MYH14: variants seen among roughly 807,000 people sequenced by gnomAD.
MYH14 encodes myosin heavy chain 14, also known as myosin-14.
Under a neutral mutation model 255.5 loss-of-function variants are expected in MYH14, and 123 were observed. That is an observed-to-expected ratio of 0.48 (90% CI 0.42 to 0.56). The LOEUF (loss-of-function observed/expected upper bound fraction) is 0.56, where lower values mean the gene tolerates loss of function less well. Among genes scored for constraint, MYH14 ranks in the 20% least tolerant of loss-of-function variants. The pLI is 0.00. For synonymous variants in MYH14, 1,095 were observed against 1,161.2 expected (o/e 0.94, Z 1.16); for missense variants, 2,423 against 2,802.3 (o/e 0.86, Z 3.06).
At position 50,231,947 on chromosome 19, in the gene MYH14, C is replaced by A. The variant is rs1340633617; in HGVS notation, c.991C>A (p.Pro331Thr). 6.2e-7 allele frequency: 1 copy of A among 1,614,004 alleles called. No individual in the cohort carries two copies. Among genetic ancestry groups the A allele is most frequent in the Non-Finnish European group, 8.5e-7 (1 of 1,179,904 alleles). Reference sequence around the variant, plus strand: ...CCCTGCAGCCGACCTCCTCCTCGAGCCCTGCTCCCACTACCGGTTCCTGAC... The same window carrying A: ...CCCTGCAGCCGACCTCCTCCTCGAGACCTGCTCCCACTACCGGTTCCTGAC... ...EQLKADLLLEPCSHYRFLTNG... is the reference protein window; with the variant it reads ...EQLKADLLLETCSHYRFLTNG... Residue 331 changes from proline to threonine, a missense_variant, in exon 10 of 43, where the codon CCC (proline) becomes ACC (threonine). By Grantham distance (38) the Pro-to-Thr change is conservative (BLOSUM62 -1). Transcript: ENST00000642316.
chr19:50,280,408 C>A lies in MYH14; in HGVS notation c.4290+25C>A. 1 of 1,499,004 alleles carries A rather than the reference C, an allele frequency of 6.7e-7. No individual in the cohort carries two copies. Among genetic ancestry groups the A allele is most frequent in the Non-Finnish European group, 8.9e-7 (1 of 1,118,156 alleles). The allele number at this position is 1,499,004 out of a possible 1,614,324, so 92.9% of individuals were successfully genotyped here. On this transcript the variant is annotated intron_variant, in intron 32 of 42. Transcript: ENST00000642316. The surrounding 1 kb of genome is among the most constrained non-coding windows in gnomAD (Gnocchi z 4.8). ...GGTGAGCAGCCCTACGTAAGACCTT[C>A]AGGGAGGCACAGCCCCCCTCACTGC...
At position 50,262,820 on chromosome 19, in the gene MYH14, G is replaced by A. The variant is rs191775321; in HGVS notation, c.2586-492G>A. On this transcript the variant is annotated intron_variant, in intron 21 of 42. Transcript: ENST00000642316. ...GGGCAGAGAGAGTCGGGAGCAGGGGGACGAACGGCCAGAACACAGTGAGAT... is the reference window on the plus strand; with the variant it reads ...GGGCAGAGAGAGTCGGGAGCAGGGGAACGAACGGCCAGAACACAGTGAGAT... 3.2e-3 allele frequency among the ~76,000 whole-genome samples: 486 copies of A among 152,244 alleles called. 3 individuals are homozygous for A. Among genetic ancestry groups the A allele is most frequent in the Middle Eastern group, 6.8e-3 (2 of 294 alleles).
Position 50,231,925 on chromosome 19 carries a change from T to C in MYH14, c.974-5T>C. On this transcript the variant is annotated splice_region_variant and splice_polypyrimidine_tract_variant and intron_variant, in intron 9 of 42. Coordinates refer to ENST00000642316, the MANE Select transcript of MYH14 (RefSeq NM_001145809.2). ...TGACCTTGACCCCACTCATTGTCCC[T>C]GCAGCCGACCTCCTCCTCGAGCCCT... is the stretch of plus-strand genomic sequence containing the variant. 3 of 1,613,896 alleles carry C rather than the reference T, an allele frequency of 1.9e-6. No homozygotes were observed. Among genetic ancestry groups the C allele is most frequent in the Non-Finnish European group, 2.5e-6 (3 of 1,179,864 alleles).
Position 50,276,709 on chromosome 19 carries a change from C to T in MYH14, c.3681-48C>T, listed in dbSNP as rs766442700. Reference sequence around the variant, plus strand: ...CAACCAGCTCCCCCAAAGCCCCTGCCTTCCTCTGCTCTGAAATTCCCATCC... The same window carrying T: ...CAACCAGCTCCCCCAAAGCCCCTGCTTTCCTCTGCTCTGAAATTCCCATCC... On this transcript the variant is annotated intron_variant, in intron 28 of 42. Transcript: ENST00000642316. The surrounding 1 kb of genome is among the most constrained non-coding windows in gnomAD (Gnocchi z 4.3). 1.2e-5 allele frequency: 19 copies of T among 1,612,256 alleles called. No homozygotes were observed. The highest frequency in any genetic ancestry group is 1.5e-5 in the Non-Finnish European group (18 of 1,179,584).
intron 3 of MYH14, 119 bp downstream of exon 3, chr19:50,217,890 C>G: frequency 1.6e-6 from 2 of 1,260,218 alleles, no homozygotes; most frequent in Non-Finnish European, 2.2e-6. Context: ...CTCTGTAGGG[C>G]TTCTTAGGGG....
chr19:50,296,002 C>CG (rs1158382697), intron 39 of MYH14, among the ~76,000 whole-genome samples: 2 of 150,296 alleles, frequency 1.3e-5, no homozygotes, highest in Non-Finnish European at 3.0e-5. Flanking sequence ...TCCAGCTACT[C>CG]GGGAGGCTGG....
At position 50,259,272 on chromosome 19, in the gene MYH14, T is replaced by TAG. The variant is rs2034729237; in HGVS notation, c.2354+10_2354+11dup. 3 of 1,567,352 alleles carry TAG rather than the reference T, an allele frequency of 1.9e-6. No homozygotes were observed. Among genetic ancestry groups the TAG allele is most frequent in the Non-Finnish European group, 2.6e-6 (3 of 1,155,698 alleles). On this transcript the variant is annotated splice_region_variant and intron_variant, in intron 19 of 42. Coordinates refer to ENST00000642316, the MANE Select transcript of MYH14 (RefSeq NM_001145809.2). The stretch of plus-strand genomic sequence containing the variant: ...TCCAGGAGTTCCGGCAGCGGTGAGC[T>TAG]AGAGCGAGGGCCCAGGCCCGGCGGA...
chr19:50,291,809 G>C (rs898207977), intron 36 of MYH14, among the ~76,000 whole-genome samples: 1 of 152,130 alleles, frequency 6.6e-6, no homozygotes, highest in African/African-American at 2.4e-5. Context: ...TGGTTGCAGT[G>C]AGTTGAGATC....
At chr19:50,292,899 A>AG (rs376504897) in intron 37 of MYH14, among the ~76,000 whole-genome samples, 1 of 145,518 alleles carries the variant, frequency 6.9e-6, no homozygotes, top group Non-Finnish European at 1.5e-5. Context: ...GGCTATGGTG[A>AG]GGGGGGCCGG....
rs2034547620 is a variant in MYH14, at chr19:50,255,210, C to T, written c.1946-10C>T. On this transcript the variant is annotated splice_polypyrimidine_tract_variant and intron_variant, in intron 16 of 42. Transcript: ENST00000642316. ...CTCCACCCACCCACACATCTGTCCT[C>T]ACTCCCCAGAACATGGGGGCTTCCA... 6.5e-7 allele frequency: 1 copy of T among 1,541,402 alleles called. No individual in the cohort carries two copies. The highest frequency in any genetic ancestry group is 8.8e-7 in the Non-Finnish European group (1 of 1,137,948).
chr19:50,291,136 C>A (rs1568545509), intron 36 of MYH14, 88 bp downstream of exon 36: 3 of 1,338,102 alleles, frequency 2.2e-6, no homozygotes, highest in Admixed American at 2.5e-5. Flanking sequence ...TAGCTCGGAC[C>A]CCTCGCTCTC....
intron 22 of MYH14, among the ~76,000 whole-genome samples, chr19:50,265,572 G>A (rs2035054802): frequency 6.6e-6 from 1 of 152,078 alleles, no homozygotes; most frequent in African/African-American, 2.4e-5. Context: ...TGTAATCCCA[G>A]CAGTTTGGGA....
intron 15 of MYH14, among the ~76,000 whole-genome samples, chr19:50,251,535 C>CT (rs1568500561): frequency 3.2e-3 from 204 of 63,140 alleles, no homozygotes; most frequent in African/African-American, 0.011. Flanking sequence ...CACACACACA[C>CT]ACACACACAC....
rs112345153 is a variant in MYH14, at chr19:50,223,808, G to A, written c.694-346G>A. The stretch of plus-strand genomic sequence containing the variant: ...GTGAGTCAGTTGTTGGTCATGCACC[G>A]AGGAAGAGGTACAGTGAGGCCGGGC... On this transcript the variant is annotated intron_variant, in intron 5 of 42. Coordinates refer to ENST00000642316, the MANE Select transcript of MYH14 (RefSeq NM_001145809.2). 3.1e-3 allele frequency among the ~76,000 whole-genome samples: 467 copies of A among 152,226 alleles called. 5 individuals carry two copies. The highest frequency in any genetic ancestry group is 0.011 in the African/African-American group (448 of 41,538).
chr19:50,302,914 AAAG>A (rs893060016), intron 40 of MYH14, among the ~76,000 whole-genome samples: 5 of 152,174 alleles, frequency 3.3e-5, no homozygotes, highest in African/African-American at 7.2e-5. Context: ...AAAGAAAAAA[AAAG>A]AAAAAGAAAA....
At chr19:50,227,683 C>T (rs1001143875) in intron 8 of MYH14, among the ~76,000 whole-genome samples, 1 of 152,158 alleles carries the variant, frequency 6.6e-6, no homozygotes, top group Non-Finnish European at 1.5e-5. Flanking sequence ...GTTTTCTGCT[C>T]AGATGGCATA....
chr19:50,210,814 C>T, intron 2 of MYH14, 44 bp downstream of exon 2: 1 of 1,527,554 alleles, frequency 6.5e-7, no homozygotes, highest in Non-Finnish European at 8.8e-7. Context: ...GGAGTTGCTG[C>T]CGGTTGGGGA....
At position 50,266,510 on chromosome 19, in the gene MYH14, G is replaced by T. The variant is rs1377337893; in HGVS notation, c.2695-367G>T. Among the ~76,000 whole-genome samples, 1 of 151,924 alleles carries T rather than the reference G, an allele frequency of 6.6e-6. No individual in the cohort carries two copies. The highest frequency in any genetic ancestry group is 1.5e-5 in the Non-Finnish European group (1 of 67,982). ...GGAGGCAGAGGTTGCAGTGAGCCGA[G>T]ATCCCACCACTGCACTCCAGCCTGG... On this transcript the variant is annotated intron_variant, in intron 22 of 42. Transcript: ENST00000642316. The surrounding 1 kb of genome is among the most constrained non-coding windows in gnomAD (Gnocchi z 4.1).
In MYH14 at chr19:50,232,086, G is replaced by C; in HGVS notation, c.1114+16G>C. The C allele has an allele frequency of 6.2e-7, 1 of 1,608,900 alleles. No homozygotes were observed. Among genetic ancestry groups the C allele is most frequent in the South Asian group, 1.1e-5 (1 of 91,088 alleles). On this transcript the variant is annotated intron_variant, in intron 10 of 42. Transcript: ENST00000642316. ...GAAATCATCTGTGAGTGAGCCCCGT[G>C]GAGGCCAGGGGTAGGGGGGAACCCC...
Sources: allele counts gnomAD v4.1 joint callset (sites outside exome capture counted in the v4.1 genomes callset), GRCh38; gene constraint gnomAD v4.1.1; non-coding constraint Gnocchi (gnomAD v3.1); transcripts MANE v1.5; gene names NCBI Gene and HGNC (gene_info 2026-07-23, HGNC 2026-07-21).